Variants in AGMO observed in about 807,000 individuals in gnomAD.
AGMO encodes the protein alkylglycerol monooxygenase, also known as glyceryl-ether monooxygenase.
A neutral mutation model predicts 60.2 loss-of-function variants in AGMO; 75 were observed. The ratio of observed to expected loss-of-function variants is 1.25; its 90% CI spans 1.03 to 1.51. The LOEUF (loss-of-function observed/expected upper bound fraction) is 1.51, where lower values mean the gene tolerates loss of function less well. AGMO is among the 40% of genes most tolerant of loss of function. The probability of loss-of-function intolerance (pLI) is 0.00; values close to 1 mark genes in which losing one functional copy is unlikely to be tolerated. For synonymous variants in AGMO, 261 were observed against 177.1 expected (o/e 1.47, Z -3.76); for missense variants, 763 against 525.5 (o/e 1.45, Z -4.42).
chr7:15,394,990 G>A (rs1331282731), intron 5 of AGMO, among the ~76,000 whole-genome samples: 1 of 152,146 alleles, frequency 6.6e-6, no homozygotes, highest in East Asian at 1.9e-4. Flanking sequence ...AAACCAGGTA[G>A]GTGTCATGAA....
At chr7:15,382,423 A>C (rs1783730720) in intron 10 of AGMO, among the ~76,000 whole-genome samples, 1 of 152,204 alleles carries the variant, frequency 6.6e-6, no homozygotes, top group African/African-American at 2.4e-5. Context: ...CTCATGGTTA[A>C]ATTCATGACC....
intron 2 of AGMO, among the ~76,000 whole-genome samples, chr7:15,557,413 C>T (rs1785174754): frequency 6.6e-6 from 1 of 152,036 alleles, no homozygotes; most frequent in Admixed American, 6.6e-5. Flanking sequence ...CCGATCATTG[C>T]CGTGTTAATC....
In AGMO at chr7:15,431,052, A is replaced by G. The variant is rs779870725; in HGVS notation, c.466T>C (p.Leu156=). 18 of 1,611,264 alleles carry G rather than the reference A, an allele frequency of 1.1e-5. No homozygotes were observed. Among genetic ancestry groups the G allele is most frequent in the Non-Finnish European group, 1.5e-5 (18 of 1,178,220 alleles). The change falls in exon 4 of 13, where the codon TTA becomes CTA. Residue 156 remains leucine, a synonymous_variant. Coordinates refer to ENST00000342526, the MANE Select transcript of AGMO (RefSeq NM_001004320.2). ...ACAGACTGTCTCAGTGCTGTGGATA[A>G]GTTATAGTCTTCAGAACTATGATGT... ...QTHHSSEDYN[L]STALRQSVLQ...
At chr7:15,141,195 G>T in the AGMO span, among the ~76,000 whole-genome samples, 1 of 152,150 alleles carries the variant, frequency 6.6e-6, no homozygotes, top group Non-Finnish European at 1.5e-5. Context: ...AGGACAGGCT[G>T]CAGTTTCAGT....
intron 12 of AGMO, among the ~76,000 whole-genome samples, chr7:15,202,006 T>G (rs956542879): frequency 6.6e-6 from 1 of 152,126 alleles, no homozygotes; most frequent in African/African-American, 2.4e-5. Flanking sequence ...TTCCCAAAAG[T>G]AAACACTTCC....
chr7:15,524,131 G>C lies in AGMO; in HGVS notation c.409+20641C>G, dbSNP rs550642467. Among the ~76,000 whole-genome samples the C allele has an allele frequency of 2.0e-4, 30 of 151,916 alleles. No homozygotes were observed. In the South Asian group the frequency reaches 3.7e-3, roughly 19 times the overall value. Reference sequence around the variant, plus strand: ...TTATAAACTAAGATTTTCAATGTTAGACAATAGAAGTATAAATATGAAAGT... The same window carrying C: ...TTATAAACTAAGATTTTCAATGTTACACAATAGAAGTATAAATATGAAAGT... On this transcript the variant is annotated intron_variant, in intron 3 of 12. Coordinates refer to ENST00000342526, the MANE Select transcript of AGMO (RefSeq NM_001004320.2).
the AGMO span, among the ~76,000 whole-genome samples, chr7:15,181,947 A>C: frequency 1.3e-5 from 2 of 152,158 alleles, no homozygotes; most frequent in Non-Finnish European, 2.9e-5. Context: ...CAATAGCCAA[A>C]ATGTGGAAGC....
At chr7:15,437,782 C>T (rs921998014) in intron 3 of AGMO, among the ~76,000 whole-genome samples, 3 of 152,032 alleles carry the variant, frequency 2.0e-5, no homozygotes, top group Non-Finnish European at 4.4e-5. Context: ...CCTCGTGATC[C>T]GCCCGCCTCG....
At chr7:15,161,635 C>CAT in the AGMO span, among the ~76,000 whole-genome samples, 78 of 149,580 alleles carry the variant, frequency 5.2e-4, 1 homozygote, top group South Asian at 1.0e-3. Context: ...TATATTCATA[C>CAT]ATATATATAT....
chr7:15,532,079 A>C (rs1784383332), intron 3 of AGMO, among the ~76,000 whole-genome samples: 1 of 152,176 alleles, frequency 6.6e-6, no homozygotes, highest in African/African-American at 2.4e-5. Context: ...TGACTGCAAT[A>C]CTGTATGTTG....
chr7:15,523,737 T>C (rs1245064437), intron 3 of AGMO, among the ~76,000 whole-genome samples: 5 of 152,062 alleles, frequency 3.3e-5, no homozygotes, highest in African/African-American at 1.2e-4. Context: ...CTAATGTAGA[T>C]GACAGGTTGA....
chr7:15,167,575 C>G, the AGMO span, among the ~76,000 whole-genome samples: 3 of 152,148 alleles, frequency 2.0e-5, no homozygotes, highest in Non-Finnish European at 4.4e-5. Context: ...AATTTTAACA[C>G]ATTTTAGCCA....
chr7:15,296,758 C>T (rs905205305), intron 12 of AGMO, among the ~76,000 whole-genome samples: 1 of 152,138 alleles, frequency 6.6e-6, no homozygotes, highest in African/African-American at 2.4e-5. Flanking sequence ...CTTTATTTCA[C>T]TTTTCCAAAT....
At chr7:15,362,627 GC>G (rs541180367) in intron 12 of AGMO, among the ~76,000 whole-genome samples, 7 of 152,256 alleles carry the variant, frequency 4.6e-5, no homozygotes, top group Middle Eastern at 3.4e-3. Context: ...TGAAGAACTG[GC>G]CGTGCATGTG....
intron 12 of AGMO, among the ~76,000 whole-genome samples, chr7:15,288,036 T>G (rs1784149527): frequency 1.3e-5 from 2 of 152,088 alleles, no homozygotes; most frequent in Admixed American, 1.3e-4. Context: ...TATTGAATTT[T>G]TTTTTTTAAT....
chr7:15,528,123 AC>A (rs1784172735), intron 3 of AGMO, among the ~76,000 whole-genome samples: 1 of 152,158 alleles, frequency 6.6e-6, no homozygotes, highest in South Asian at 2.1e-4. Context: ...TTGTAAGGCT[AC>A]CATTGCCATA....
At chr7:15,392,481 T>C (rs944044184) in intron 6 of AGMO, among the ~76,000 whole-genome samples, 1 of 151,836 alleles carries the variant, frequency 6.6e-6, no homozygotes, top group Admixed American at 6.6e-5. Flanking sequence ...CCATAAACCA[T>C]CTAAATTAAA....
chr7:15,331,350 A>G (rs1405482624), intron 12 of AGMO, among the ~76,000 whole-genome samples: 2 of 152,200 alleles, frequency 1.3e-5, no homozygotes, highest in East Asian at 3.8e-4. Context: ...TTACACAGCC[A>G]TAATTTCTGG....
At chr7:15,434,965 T>C (rs1231707909) in intron 3 of AGMO, among the ~76,000 whole-genome samples, 1 of 151,964 alleles carries the variant, frequency 6.6e-6, no homozygotes, top group East Asian at 1.9e-4. Flanking sequence ...ACAGTATTTT[T>C]AGCCTTTTGA....
Sources: allele counts gnomAD v4.1 joint callset (sites outside exome capture counted in the v4.1 genomes callset), GRCh38; gene constraint gnomAD v4.1.1; transcripts MANE v1.5; gene names NCBI Gene and HGNC (gene_info 2026-07-23, HGNC 2026-07-21).